The following NOL4 variants were observed in gnomAD, a reference collection of about 807,000 sequenced individuals.
NOL4 encodes cancer/testis antigen 125.
A neutral mutation model predicts 75.9 loss-of-function variants in NOL4; 17 were observed. The observed-to-expected ratio is 0.22, with a 90% CI of 0.15 to 0.34. NOL4 has a LOEUF of 0.34. Ranked by LOEUF, NOL4 falls within the 10% of genes least tolerant of loss-of-function variation. NOL4 has a pLI of 1.00. For synonymous variants in NOL4, 292 were observed against 289.9 expected (o/e 1.01, Z -0.07); for missense variants, 614 against 793.5 (o/e 0.77, Z 2.72).
At chr18:34,059,969 C>T (rs887906800) in intron 5 of NOL4, among the ~76,000 whole-genome samples, 1 of 152,110 alleles carries the variant, frequency 6.6e-6, no homozygotes, top group Non-Finnish European at 1.5e-5. Flanking sequence ...GAGTGAGCCA[C>T]CTCTGACAGT....
At chr18:33,860,025 A>G (rs2063026632) in intron 10 of NOL4, among the ~76,000 whole-genome samples, 1 of 152,132 alleles carries the variant, frequency 6.6e-6, no homozygotes, top group Admixed American at 6.6e-5. Context: ...GCCTCAGGAA[A>G]CTTACAGTCA....
chr18:33,877,621 G>A (rs1465250644), intron 10 of NOL4, among the ~76,000 whole-genome samples: 2 of 151,908 alleles, frequency 1.3e-5, no homozygotes, highest in African/African-American at 2.4e-5. Context: ...GTCATTTTAT[G>A]ATAGGAAAGT....
intron 1 of NOL4, among the ~76,000 whole-genome samples, chr18:34,168,198 A>AAAAG (rs879452138): frequency 1.3e-5 from 2 of 151,992 alleles, no homozygotes; most frequent in Non-Finnish European, 2.9e-5. Context: ...AATACCCAAA[A>AAAAG]AAAGATAAAA....
chr18:33,974,200 T>C (rs2071310164), intron 6 of NOL4, among the ~76,000 whole-genome samples: 1 of 152,168 alleles, frequency 6.6e-6, no homozygotes, highest in South Asian at 2.1e-4. Flanking sequence ...CCTCTTTCCT[T>C]AAACCTTCTG....
intron 1 of NOL4, among the ~76,000 whole-genome samples, chr18:34,135,969 T>C (rs2080874322): frequency 6.6e-6 from 1 of 151,994 alleles, no homozygotes. Flanking sequence ...TCCAACCACA[T>C]TTACAAGTTA....
chr18:34,120,423 T>G (rs2080085238), intron 2 of NOL4, among the ~76,000 whole-genome samples: 1 of 152,220 alleles, frequency 6.6e-6, no homozygotes, highest in South Asian at 2.1e-4. Context: ...TAAATTAACT[T>G]GATGAGTCAT....
chr18:34,079,872 C>G (rs1413933008), intron 5 of NOL4, among the ~76,000 whole-genome samples: 13 of 152,162 alleles, frequency 8.5e-5, no homozygotes. Context: ...TATAACTATG[C>G]TATTAATTTT....
intron 5 of NOL4, among the ~76,000 whole-genome samples, chr18:34,028,080 T>A (rs2075437128): frequency 6.6e-6 from 1 of 152,234 alleles, no homozygotes; most frequent in Admixed American, 6.5e-5. Flanking sequence ...ATTTAAACTC[T>A]TTGAATAATG....
At chr18:33,964,766 G>C (rs567308160) in intron 6 of NOL4, among the ~76,000 whole-genome samples, 1 of 152,112 alleles carries the variant, frequency 6.6e-6, no homozygotes, top group Non-Finnish European at 1.5e-5. Context: ...CACTTGTCTG[G>C]AGCTAAATTC....
intron 5 of NOL4, among the ~76,000 whole-genome samples, chr18:34,038,523 G>C (rs922159671): frequency 1.3e-5 from 2 of 152,006 alleles, no homozygotes; most frequent in Admixed American, 1.3e-4. Flanking sequence ...AGAAAATGTG[G>C]TACATATACA....
intron 9 of NOL4, among the ~76,000 whole-genome samples, chr18:33,925,132 A>G (rs1260604968): frequency 1.8e-5 from 1 of 54,868 alleles, no homozygotes; most frequent in African/African-American, 6.4e-5. Context: ...CAAATTTAAA[A>G]TATACAATAA....
intron 9 of NOL4, among the ~76,000 whole-genome samples, chr18:33,937,297 A>G (rs545781261): frequency 6.6e-6 from 1 of 152,112 alleles, no homozygotes; most frequent in Non-Finnish European, 1.5e-5. Context: ...GACATATGGA[A>G]TAAAGTATTT....
intron 6 of NOL4, among the ~76,000 whole-genome samples, chr18:33,996,884 T>C (rs927711644): frequency 6.8e-6 from 1 of 147,544 alleles, no homozygotes; most frequent in Non-Finnish European, 1.5e-5. Context: ...GGTACATATG[T>C]CTTTTTGGTA....
chr18:34,142,408 A>G (rs940759781), intron 1 of NOL4, among the ~76,000 whole-genome samples: 9 of 152,208 alleles, frequency 5.9e-5, no homozygotes, highest in African/African-American at 2.2e-4. Context: ...ACTATTCACA[A>G]TAGCAAAGAA....
chr18:33,895,244 C>T (rs979763804), intron 9 of NOL4, among the ~76,000 whole-genome samples: 1 of 151,974 alleles, frequency 6.6e-6, no homozygotes, highest in Non-Finnish European at 1.5e-5. Flanking sequence ...TATATGTATA[C>T]ATGACTAGCA....
intron 6 of NOL4, among the ~76,000 whole-genome samples, chr18:33,992,546 C>T (rs2072998167): frequency 1.3e-5 from 2 of 152,076 alleles, no homozygotes; most frequent in African/African-American, 2.4e-5. Flanking sequence ...GGTATTTGAA[C>T]CAAGATCACT....
chr18:33,970,813 C>T (rs993430310), intron 6 of NOL4, among the ~76,000 whole-genome samples: 1 of 151,818 alleles, frequency 6.6e-6, no homozygotes, highest in Non-Finnish European at 1.5e-5. Context: ...TTCCAGGCCT[C>T]ATCTGGACAA....
chr18:34,114,970 T>C (rs1335673007), intron 2 of NOL4, among the ~76,000 whole-genome samples: 1 of 152,088 alleles, frequency 6.6e-6, no homozygotes, highest in Non-Finnish European at 1.5e-5. Flanking sequence ...TGGGAAAGAT[T>C]TGTTATTGTT....
Position 33,934,149 on chromosome 18 carries a change from CTT to C in NOL4, c.1542+8914_1542+8915del, listed in dbSNP as rs141762009. Among the ~76,000 whole-genome samples, 841 of 149,878 alleles carry C rather than the reference CTT, an allele frequency of 5.6e-3. 13 individuals carry two copies. The highest frequency in any genetic ancestry group is 0.02 in the African/African-American group (808 of 40,868). ...TGAGCAGCAATATTTTGAAAGGAAT[CTT>C]TTTTTTTTATTTCCTGAGCAGTAGG... On this transcript the variant is annotated intron_variant, in intron 9 of 10. Coordinates refer to ENST00000261592, the MANE Select transcript of NOL4 (RefSeq NM_003787.5).
Sources: gnomAD v4.1 joint callset for allele counts (sites outside exome capture counted in the v4.1 genomes callset) on GRCh38, gnomAD v4.1.1 for gene constraint, MANE v1.5 for transcripts, NCBI Gene and HGNC (gene_info 2026-07-23, HGNC 2026-07-21) for gene names.